The following MAN1C1 variants were observed in gnomAD, a reference collection of about 807,000 sequenced individuals.
MAN1C1 encodes mannosyl-oligosaccharide 1,2-alpha-mannosidase IC.
MAN1C1 carries 49 observed loss-of-function variants against 71.5 expected under a neutral mutation model. That is an observed-to-expected ratio of 0.69 (90% CI 0.54 to 0.87). The LOEUF is 0.87. MAN1C1 is among the 40% of genes least tolerant of loss of function. The pLI is 0.00. For missense variants in MAN1C1, 743 were observed against 835.0 expected (o/e 0.89, Z 1.36); for synonymous variants, 352 against 343.7 (o/e 1.02, Z -0.27).
chr1:25,638,839 GGT>G (rs1460883143), intron 1 of MAN1C1, among the ~76,000 whole-genome samples: 2 of 152,002 alleles, frequency 1.3e-5, no homozygotes, highest in Non-Finnish European at 2.9e-5. Flanking sequence ...ATTGTAGTTA[GGT>G]GTGATTGTCG....
chr1:25,703,420 A>C (rs1311648368), intron 2 of MAN1C1, among the ~76,000 whole-genome samples: 2 of 151,994 alleles, frequency 1.3e-5, no homozygotes, highest in Non-Finnish European at 2.9e-5. Context: ...GGTGGCTCAC[A>C]CCTGTAATCC....
At chr1:25,708,683 G>C (rs2046560637) in intron 2 of MAN1C1, among the ~76,000 whole-genome samples, 1 of 152,104 alleles carries the variant, frequency 6.6e-6, no homozygotes, top group Non-Finnish European at 1.5e-5. Context: ...TCAGGAGTTT[G>C]AGACCAGCCT....
intron 2 of MAN1C1, among the ~76,000 whole-genome samples, chr1:25,722,840 T>G (rs1396046621): frequency 1.3e-5 from 2 of 152,210 alleles, no homozygotes; most frequent in Non-Finnish European, 2.9e-5. Context: ...TGCTGACTGA[T>G]AATCCCAGTA....
chr1:25,767,502 TCA>T (rs1169505275), intron 7 of MAN1C1, among the ~76,000 whole-genome samples: 2 of 112,232 alleles, frequency 1.8e-5, no homozygotes, highest in African/African-American at 3.5e-5. Context: ...CACACTTCCC[TCA>T]CACACACATT....
intron 10 of MAN1C1, 134 bp downstream of exon 10, chr1:25,781,246 C>T: frequency 1.1e-6 from 1 of 937,914 alleles, no homozygotes; most frequent in Non-Finnish European, 1.6e-6. Flanking sequence ...GTTCAGAGTG[C>T]AAAGGGTCAA....
chr1:25,747,546 C>T (rs945941), intron 3 of MAN1C1, among the ~76,000 whole-genome samples: 12,201 of 152,230 alleles, frequency 0.08, 552 homozygotes, highest in African/African-American at 0.11. Flanking sequence ...ATGTGGGCTC[C>T]GGGAGTGCCA....
At chr1:25,673,286 G>A (rs1015415239) in intron 1 of MAN1C1, among the ~76,000 whole-genome samples, 2 of 152,156 alleles carry the variant, frequency 1.3e-5, no homozygotes, top group Non-Finnish European at 2.9e-5. Flanking sequence ...GAGGGCCTTG[G>A]CATTGTAACT....
At position 25,775,736 on chromosome 1, in the gene MAN1C1, G is replaced by T. The variant is rs2047610433; in HGVS notation, c.1258-2369G>T. On this transcript the variant is annotated intron_variant, in intron 8 of 11. Transcript: ENST00000374332. This position sits in a 1 kb window ranked among gnomAD's most constrained non-coding sequence, Gnocchi z 5.1. ...CAGGGCTGGAGCATGCAGGAAGGAG[G>T]CGCAGCACCAGCTAAGCCCCGAAGC... Among the ~76,000 whole-genome samples the T allele has an allele frequency of 6.6e-6, 1 of 150,584 alleles. No homozygotes were observed. Among genetic ancestry groups the T allele is most frequent in the South Asian group, 2.1e-4 (1 of 4,818 alleles).
At position 25,764,765 on chromosome 1, in the gene MAN1C1, A is replaced by G. The variant is rs915126427; in HGVS notation, c.1141+798A>G. Among the ~76,000 whole-genome samples, 5 of 152,206 alleles carry G rather than the reference A, an allele frequency of 3.3e-5. No homozygotes were observed. In the South Asian group the frequency reaches 1.0e-3, roughly 32 times the overall value. On this transcript the variant is annotated intron_variant, in intron 7 of 11. Coordinates refer to ENST00000374332, the MANE Select transcript of MAN1C1 (RefSeq NM_020379.4). The surrounding 1 kb of genome is among the most constrained non-coding windows in gnomAD (Gnocchi z 4.4). ...ACAAACAAACAAACAAACAAAAACC[A>G]TACAACAGTGTAGAAATCATGAATT... is the stretch of plus-strand genomic sequence containing the variant.
intron 7 of MAN1C1, among the ~76,000 whole-genome samples, chr1:25,767,822 T>C (rs1572206874): frequency 1.2e-5 from 1 of 86,354 alleles, no homozygotes; most frequent in Non-Finnish European, 2.2e-5. Context: ...ACATCCACAC[T>C]CCCCTCACAC....
At position 25,778,069 on chromosome 1, in the gene MAN1C1, C is replaced by A; in HGVS notation, c.1258-36C>A. ...CCCCCCTTCTCTGTGCCCTCCCACG[C>A]CCCTTCTCCCTGCCCAATCCCCACC... On this transcript the variant is annotated intron_variant, in intron 8 of 11. Transcript: ENST00000374332. The surrounding 1 kb of genome is among the most constrained non-coding windows in gnomAD (Gnocchi z 5.5). The A allele has an allele frequency of 6.8e-7, 1 of 1,474,564 alleles. No homozygotes were observed. The highest frequency in any genetic ancestry group is 1.3e-5 in the South Asian group (1 of 75,364). The allele number at this position is 1,474,564 out of a possible 1,614,324, so 91.3% of individuals were successfully genotyped here. A position where few individuals can be genotyped will look rare whatever the true frequency, so the allele number is the denominator to read the frequency against.
intron 1 of MAN1C1, among the ~76,000 whole-genome samples, chr1:25,663,480 T>G (rs1339567348): frequency 6.6e-6 from 1 of 152,176 alleles, no homozygotes; most frequent in Non-Finnish European, 1.5e-5. Flanking sequence ...AACAACATAT[T>G]TAGAACAATT....
At chr1:25,675,995 C>G (rs1029651859) in intron 1 of MAN1C1, among the ~76,000 whole-genome samples, 2 of 152,206 alleles carry the variant, frequency 1.3e-5, no homozygotes, top group Non-Finnish European at 2.9e-5. Flanking sequence ...TAAACTGCTG[C>G]TACAGATTCA....
chr1:25,658,595 C>T lies in MAN1C1; in HGVS notation c.541-27845C>T, dbSNP rs546669475. Among the ~76,000 whole-genome samples the T allele has an allele frequency of 1.6e-3, 249 of 152,256 alleles. 2 individuals are homozygous for T. Among genetic ancestry groups the T allele is most frequent in the Non-Finnish European group, 1.0e-3 (71 of 68,022 alleles). On this transcript the variant is annotated intron_variant, in intron 1 of 11. Transcript: ENST00000374332. The stretch of plus-strand genomic sequence containing the variant: ...CCTCCCCTGTAGCTGGGACTACAGG[C>T]GCATGCCACCATACCTGACTAATTT...
intron 2 of MAN1C1, among the ~76,000 whole-genome samples, chr1:25,709,050 G>A (rs1023305295): frequency 3.3e-5 from 5 of 152,104 alleles, no homozygotes; most frequent in Non-Finnish European, 4.4e-5. Context: ...GATGCCCACC[G>A]CCATGCAGAA....
intron 1 of MAN1C1, among the ~76,000 whole-genome samples, chr1:25,622,609 T>A (rs2045231245): frequency 6.6e-6 from 1 of 152,094 alleles, no homozygotes; most frequent in Non-Finnish European, 1.5e-5. Context: ...TTGCAGCAAT[T>A]TTCTGAGGGT....
At chr1:25,641,673 T>C (rs1201666192) in intron 1 of MAN1C1, among the ~76,000 whole-genome samples, 3 of 152,216 alleles carry the variant, frequency 2.0e-5, no homozygotes, top group Non-Finnish European at 4.4e-5. Flanking sequence ...AATGAACCTA[T>C]GGCAATTTTG....
At chr1:25,695,991 T>A (rs1332375642) in intron 2 of MAN1C1, among the ~76,000 whole-genome samples, 1 of 152,220 alleles carries the variant, frequency 6.6e-6, no homozygotes, top group Non-Finnish European at 1.5e-5. Context: ...TCTTGGAATC[T>A]GAGATTTCAG....
intron 2 of MAN1C1, among the ~76,000 whole-genome samples, chr1:25,732,942 A>G (rs760151692): frequency 6.6e-6 from 1 of 152,170 alleles, no homozygotes; most frequent in Non-Finnish European, 1.5e-5. Flanking sequence ...CGTGTTTGCC[A>G]TGATCAATGC....
Sources: allele counts gnomAD v4.1 joint callset (sites outside exome capture counted in the v4.1 genomes callset), GRCh38; gene constraint gnomAD v4.1.1; non-coding constraint Gnocchi (gnomAD v3.1); transcripts MANE v1.5; gene names NCBI Gene and HGNC (gene_info 2026-07-23, HGNC 2026-07-21).